The following CENPE variants were observed in gnomAD, a reference collection of about 807,000 sequenced individuals.
The protein encoded by CENPE is centromere-associated protein E.
In CENPE, 145 loss-of-function variants were observed where a neutral mutation model predicts 336.1. The ratio of observed to expected loss-of-function variants is 0.43; its 90% CI spans 0.38 to 0.50. The LOEUF (loss-of-function observed/expected upper bound fraction) is 0.50. Among genes scored for constraint, CENPE ranks in the 20% least tolerant of loss-of-function variants. CENPE has a pLI of 0.00. For missense variants in CENPE, 2,719 were observed against 3,023.3 expected, an observed-to-expected ratio of 0.90 and a Z score of 2.36; for synonymous variants, 1,013 against 984.8, an observed-to-expected ratio of 1.03 and a Z score of -0.54.
intron 34 of CENPE, 84 bp downstream of exon 34, chr4:103,143,164 T>A (rs993241285): frequency 2.1e-5 from 20 of 946,786 alleles, no homozygotes; most frequent in South Asian, 3.6e-5. Flanking sequence ...TGCCTTCAAT[T>A]TTAGGGTAAT....
At chr4:103,145,728 C>T in intron 30 of CENPE, 47 bp from the exon 31 acceptor site, 1 of 1,516,912 alleles carries the variant, frequency 6.6e-7, no homozygotes, top group Non-Finnish European at 8.8e-7. Context: ...AACATTATAA[C>T]TATTTTGTTG....
intron 8 of CENPE, among the ~76,000 whole-genome samples, chr4:103,190,292 C>T (rs934021565): frequency 1.3e-5 from 2 of 152,180 alleles, no homozygotes; most frequent in East Asian, 1.9e-4. Flanking sequence ...GAAAAAACTA[C>T]TTTAAGGTTC....
At chr4:103,153,931 T>A (rs1278814944) in intron 24 of CENPE, among the ~76,000 whole-genome samples, 1 of 152,160 alleles carries the variant, frequency 6.6e-6, no homozygotes, top group African/African-American at 2.4e-5. Flanking sequence ...ATTCATCTTT[T>A]CTTAATATAT....
rs1578703404 is a variant in CENPE, at chr4:103,194,487, T to C, written c.560-46A>G. On this transcript the variant is annotated intron_variant, in intron 6 of 48. Coordinates refer to ENST00000265148, the MANE Select transcript of CENPE (RefSeq NM_001813.3). ...TCAGCTGCATATATAATAAAATCCATAGAAACACAATAATTTTTATTTTAA... is the reference window on the plus strand; with the variant it reads ...TCAGCTGCATATATAATAAAATCCACAGAAACACAATAATTTTTATTTTAA... 18 of 1,485,828 alleles carry C rather than the reference T, an allele frequency of 1.2e-5. No individual in the cohort carries two copies. The East Asian group carries it at 2.7e-4, about 23-fold the overall frequency. 92.0% of individuals were successfully genotyped at this position (1,485,828 alleles called of 1,614,324 possible). A position where few individuals can be genotyped will look rare whatever the true frequency, so the allele number is the denominator to read the frequency against.
At chr4:103,116,936 G>T (rs2125854496) in intron 44 of CENPE, among the ~76,000 whole-genome samples, 1 of 152,048 alleles carries the variant, frequency 6.6e-6, no homozygotes, top group South Asian at 2.1e-4. Flanking sequence ...TTAGAAACAT[G>T]ATTTTTATTT....
chr4:103,164,309 T>G (rs899802386), intron 16 of CENPE, among the ~76,000 whole-genome samples: 16 of 152,224 alleles, frequency 1.1e-4, no homozygotes, highest in Admixed American at 3.3e-4. Flanking sequence ...AGATAAACAT[T>G]TTCCCTTAGA....
chr4:103,137,156 C>T lies in CENPE; in HGVS notation c.6304-797G>A, dbSNP rs955770457. Among the ~76,000 whole-genome samples, 7 of 151,858 alleles carry T rather than the reference C, an allele frequency of 4.6e-5. No individual in the cohort carries two copies. In the South Asian group the frequency reaches 1.5e-3, roughly 32 times the overall value. On this transcript the variant is annotated intron_variant, in intron 39 of 48. Coordinates refer to ENST00000265148, the MANE Select transcript of CENPE (RefSeq NM_001813.3). ...AATTCTGATTCTAACAATTTACTAG[C>T]TGTGTAACCTTGGGCAACTGCTAAA...
chr4:103,108,978 A>C lies in CENPE; in HGVS notation c.7836T>G (p.Thr2612=). Residue 2612 remains threonine, a synonymous_variant, in exon 48 of 49, where the codon ACT becomes ACG. Coordinates refer to ENST00000265148, the MANE Select transcript of CENPE (RefSeq NM_001813.3). ...TTTGTTTCTTTTTAGAAGCTGTTCCAGTCACTTTAGGAGACTTTGGAGAAT... is the reference window on the plus strand; with the variant it reads ...TTTGTTTCTTTTTAGAAGCTGTTCCCGTCACTTTAGGAGACTTTGGAGAAT... ...CENSPKSPKV[T]GTASKKKQIT... 1.3e-5 allele frequency: 21 copies of C among 1,613,842 alleles called. No homozygotes were observed. Among genetic ancestry groups the C allele is most frequent in the Non-Finnish European group, 1.8e-5 (21 of 1,179,826 alleles).
rs752759161 is a variant in CENPE, at chr4:103,140,854, C to G, written c.5714G>C (p.Arg1905Thr). 1 of 1,604,678 alleles carries G rather than the reference C, an allele frequency of 6.2e-7. No homozygotes were observed. Among genetic ancestry groups the G allele is most frequent in the Non-Finnish European group, 8.5e-7 (1 of 1,177,484 alleles). The change falls in exon 36 of 49, where the codon AGA (arginine) becomes ACA (threonine). Residue 1905 changes from arginine to threonine, a missense_variant. Physicochemically the swap from Arg to Thr is moderately conservative, Grantham distance 71. Transcript: ENST00000265148. ...RRVEETLKLE[R>T]DQLKESLQET... ...TTGCAGGCTTTCCTTGAGTTGGTCT[C>G]TCTCCAGTTTGAGTGTCTCCTCTAC... is the stretch of plus-strand genomic sequence containing the variant.
chr4:103,156,409 A>G (rs1370628972), intron 24 of CENPE, among the ~76,000 whole-genome samples: 2 of 152,162 alleles, frequency 1.3e-5, no homozygotes, highest in African/African-American at 4.8e-5. Flanking sequence ...ACAGAATAGA[A>G]AGACCAGAAA....
chr4:103,137,189 T>C (rs1450496763), intron 39 of CENPE, among the ~76,000 whole-genome samples: 1 of 130,932 alleles, frequency 7.6e-6, no homozygotes, highest in East Asian at 2.1e-4. Flanking sequence ...AAACTTCCTT[T>C]CTGAGGAAGG....
At chr4:103,139,132 T>G (rs1483882909) in intron 38 of CENPE, among the ~76,000 whole-genome samples, 1 of 111,908 alleles carries the variant, frequency 8.9e-6, no homozygotes, top group Non-Finnish European at 2.2e-5. Flanking sequence ...AACAAAAACA[T>G]TTTCTCCCAC....
intron 25 of CENPE, among the ~76,000 whole-genome samples, chr4:103,152,501 A>G (rs1280460483): frequency 6.6e-6 from 1 of 152,242 alleles, no homozygotes; most frequent in Non-Finnish European, 1.5e-5. Context: ...TCCCTGTGAC[A>G]CAGCAATTCC....
At chr4:103,188,971 A>C (rs1171490220) in intron 8 of CENPE, among the ~76,000 whole-genome samples, 1 of 152,240 alleles carries the variant, frequency 6.6e-6, no homozygotes, top group African/African-American at 2.4e-5. Flanking sequence ...ATCATCACCG[A>C]TCCCACAGAA....
intron 44 of CENPE, among the ~76,000 whole-genome samples, chr4:103,118,938 T>A (rs1278133321): frequency 6.6e-6 from 1 of 152,210 alleles, no homozygotes; most frequent in East Asian, 1.9e-4. Flanking sequence ...GCACAAACTT[T>A]CTTGTTGTTT....
intron 22 of CENPE, 27 bp downstream of exon 22, chr4:103,158,983 T>C: frequency 1.3e-6 from 2 of 1,531,766 alleles, no homozygotes; most frequent in Non-Finnish European, 1.7e-6. Context: ...CTAAGGAGCA[T>C]TTCTCAAAAT....
chr4:103,180,254 G>T, intron 13 of CENPE, 57 bp downstream of exon 13: 1 of 1,482,516 alleles, frequency 6.7e-7, no homozygotes, highest in Non-Finnish European at 9.2e-7. Context: ...TAAACATATA[G>T]AAATACCAAT....
intron 21 of CENPE, 51 bp downstream of exon 21, chr4:103,160,574 G>T: frequency 6.8e-7 from 1 of 1,475,708 alleles, no homozygotes; most frequent in Middle Eastern, 1.9e-4. Flanking sequence ...CACTATTATC[G>T]CAAAGGTTTT....
At chr4:103,186,603 G>C (rs1378749523) in intron 8 of CENPE, among the ~76,000 whole-genome samples, 1 of 152,188 alleles carries the variant, frequency 6.6e-6, no homozygotes, top group Non-Finnish European at 1.5e-5. Flanking sequence ...GCTCCAGGAA[G>C]TACATCAGGT....
Sources: allele counts gnomAD v4.1 joint callset (sites outside exome capture counted in the v4.1 genomes callset), GRCh38; gene constraint gnomAD v4.1.1; transcripts MANE v1.5; gene names NCBI Gene and HGNC (gene_info 2026-07-23, HGNC 2026-07-21).